The following PDE4D variants were observed in gnomAD, a reference collection of about 807,000 sequenced individuals.
The protein encoded by PDE4D is phosphodiesterase 4D.
Under a neutral mutation model 87.4 loss-of-function variants are expected in PDE4D, and 24 were observed. The ratio of observed to expected loss-of-function variants is 0.27; its 90% CI spans 0.20 to 0.39. The LOEUF (loss-of-function observed/expected upper bound fraction) is 0.39. Among genes scored for constraint, PDE4D ranks in the 10% least tolerant of loss-of-function variants. The pLI, the probability that PDE4D is intolerant of heterozygous loss-of-function variation, is 1.00. For missense variants in PDE4D, 714 were observed against 1,041.0 expected (o/e 0.69, Z 4.32); for synonymous variants, 384 against 383.2 (o/e 1.00, Z -0.02).
At chr5:59,662,085 G>A (rs897378880) in intron 1 of PDE4D, among the ~76,000 whole-genome samples, 3 of 152,112 alleles carry the variant, frequency 2.0e-5, no homozygotes, top group Non-Finnish European at 2.9e-5. Flanking sequence ...GAAGCATTAC[G>A]TGCTTCCCCC....
intron 5 of PDE4D, chr5:59,039,649 A>C: frequency 2.9e-6 from 1 of 348,696 alleles, no homozygotes; most frequent in Non-Finnish European, 4.0e-6. Flanking sequence ...CCCTTACGAA[A>C]AGATTCCGAA....
At chr5:59,791,479 A>G (rs1387210268) in intron 1 of PDE4D, among the ~76,000 whole-genome samples, 1 of 152,248 alleles carries the variant, frequency 6.6e-6, no homozygotes, top group Non-Finnish European at 1.5e-5. Flanking sequence ...TTGTGCTGCT[A>G]ACCCTCATAA....
At chr5:59,018,887 T>C (rs1351555699) in intron 6 of PDE4D, among the ~76,000 whole-genome samples, 1 of 151,954 alleles carries the variant, frequency 6.6e-6, no homozygotes, top group Non-Finnish European at 1.5e-5. Flanking sequence ...AGATGAGCCT[T>C]AAGGTCTTAG....
intron 1 of PDE4D, among the ~76,000 whole-genome samples, chr5:59,838,772 G>A (rs548844565): frequency 2.5e-4 from 38 of 152,026 alleles, no homozygotes; most frequent in South Asian, 2.1e-4. Context: ...GATGAAAGAC[G>A]TAGGCAAACA....
chr5:59,850,009 G>A (rs1468053372), intron 1 of PDE4D, among the ~76,000 whole-genome samples: 1 of 151,926 alleles, frequency 6.6e-6, no homozygotes, highest in Non-Finnish European at 1.5e-5. Context: ...AAAGGAAGAG[G>A]GGGGCAAAAT....
intron 1 of PDE4D, among the ~76,000 whole-genome samples, chr5:59,283,057 C>T (rs1393357014): frequency 6.6e-6 from 1 of 152,102 alleles, no homozygotes; most frequent in African/African-American, 2.4e-5. Context: ...ATTATTTAAC[C>T]TTCCCTGGCT....
intron 1 of PDE4D, among the ~76,000 whole-genome samples, chr5:60,193,687 A>AG (rs1740828076): frequency 1.3e-5 from 2 of 149,736 alleles, no homozygotes; most frequent in African/African-American, 2.4e-5. Context: ...AAAAAAAAAA[A>AG]AAAAAGAAAG....
intron 1 of PDE4D, among the ~76,000 whole-genome samples, chr5:59,766,779 T>A (rs1419362963): frequency 6.6e-6 from 1 of 152,256 alleles, no homozygotes; most frequent in African/African-American, 2.4e-5. Flanking sequence ...ATTCACTGTT[T>A]GTTGCTCACA....
chr5:59,674,369 C>T (rs1044130894), intron 1 of PDE4D, among the ~76,000 whole-genome samples: 32 of 152,266 alleles, frequency 2.1e-4, no homozygotes, highest in Non-Finnish European at 2.5e-4. Flanking sequence ...TACGCCACTA[C>T]TCACCCAACC....
chr5:59,410,186 C>T (rs1021477603), intron 1 of PDE4D, among the ~76,000 whole-genome samples: 19 of 152,054 alleles, frequency 1.2e-4, no homozygotes, highest in African/African-American at 1.7e-4. Context: ...CCCCACTACC[C>T]TTCCCACTCT....
intron 1 of PDE4D, among the ~76,000 whole-genome samples, chr5:59,493,798 T>A (rs1313735694): frequency 1.3e-5 from 2 of 152,214 alleles, no homozygotes; most frequent in Admixed American, 1.3e-4. Flanking sequence ...GTGATTCTAT[T>A]TATTTGTGAA....
At chr5:60,349,577 G>A (rs1190988971) in intron 1 of PDE4D, among the ~76,000 whole-genome samples, 3 of 152,128 alleles carry the variant, frequency 2.0e-5, no homozygotes, top group Admixed American at 6.6e-5. Context: ...GAATACAAAC[G>A]TCAATCCAAT....
intron 1 of PDE4D, among the ~76,000 whole-genome samples, chr5:59,741,619 T>C (rs956394115): frequency 1.3e-5 from 2 of 152,208 alleles, no homozygotes; most frequent in Admixed American, 6.5e-5. Flanking sequence ...TTTCAAATCA[T>C]AGGATATGAA....
chr5:59,733,391 G>C (rs1482110587), intron 1 of PDE4D, among the ~76,000 whole-genome samples: 1 of 152,108 alleles, frequency 6.6e-6, no homozygotes, highest in African/African-American at 2.4e-5. Flanking sequence ...AGATTATTTT[G>C]AGAAGTCAGT....
chr5:59,867,773 G>T (rs1747254449), intron 1 of PDE4D, among the ~76,000 whole-genome samples: 1 of 152,154 alleles, frequency 6.6e-6, no homozygotes, highest in Non-Finnish European at 1.5e-5. Context: ...AGATTTGCAT[G>T]CAGAGTTAGG....
intron 2 of PDE4D, among the ~76,000 whole-genome samples, chr5:60,167,266 C>CTT (rs142613050): frequency 4.0e-3 from 342 of 86,488 alleles, no homozygotes; most frequent in African/African-American, 6.4e-3. Context: ...TGTGTATTTT[C>CTT]TTTTTTTTTT....
At chr5:60,432,574 AC>A (rs1228945503) in intron 1 of PDE4D, among the ~76,000 whole-genome samples, 1 of 152,218 alleles carries the variant, frequency 6.6e-6, no homozygotes, top group Non-Finnish European at 1.5e-5. Flanking sequence ...ACTAGAAAAA[AC>A]TATTCTAAAA....
At chr5:59,138,762 G>A (rs1475318140) in intron 5 of PDE4D, among the ~76,000 whole-genome samples, 1 of 152,028 alleles carries the variant, frequency 6.6e-6, no homozygotes, top group East Asian at 1.9e-4. Context: ...GGAAATGAGT[G>A]AGCCATTTTA....
At chr5:60,266,355 T>G (rs1390230983) in intron 1 of PDE4D, among the ~76,000 whole-genome samples, 3 of 152,162 alleles carry the variant, frequency 2.0e-5, no homozygotes, top group Non-Finnish European at 2.9e-5. Context: ...TAATATAATT[T>G]TTATAAAGAA....
Sources: allele counts gnomAD v4.1 joint callset (sites outside exome capture counted in the v4.1 genomes callset), GRCh38; gene constraint gnomAD v4.1.1; transcripts MANE v1.5; gene names NCBI Gene and HGNC (gene_info 2026-07-23, HGNC 2026-07-21).